The following ARTN variants were observed in gnomAD, a reference collection of about 807,000 sequenced individuals.
ARTN encodes the protein artemin, also known as neublastin.
ARTN carries 9 observed loss-of-function variants against 15.4 expected under a neutral mutation model. That is an observed-to-expected ratio of 0.58 (90% CI 0.35 to 1.02). ARTN has a LOEUF of 1.02. Among genes scored for constraint, ARTN ranks in the 50% least tolerant of loss-of-function variants. The probability of loss-of-function intolerance (pLI) is 0.02; values close to 1 mark genes in which losing one functional copy is unlikely to be tolerated. For missense variants in ARTN, 284 were observed against 327.9 expected (o/e 0.87, Z 1.03); for synonymous variants, 163 against 155.8 (o/e 1.05, Z -0.35).
rs2085080370 is a variant in ARTN at position 43,935,510 on chromosome 1, G to A, written c.-67-80G>A. ...CTGCTGGGTTGAGTCTAGCTGTGTA[G>A]GCCCCTTGTTCCTCACCTGGAGAAA... On this transcript the variant is annotated intron_variant, in intron 2 of 4. Transcript: ENST00000372359. 3 of 756,204 alleles carry A rather than the reference G, an allele frequency of 4.0e-6. No homozygotes were observed. In the East Asian group the frequency reaches 8.1e-5, roughly 20 times the overall value. The allele number at this position is 756,204 out of a possible 1,614,324, so 46.8% of individuals were successfully genotyped here.
At position 43,936,931 on chromosome 1, in the gene ARTN, G is replaced by A; in HGVS notation, c.*166G>A. 1 of 1,004,448 alleles carries A rather than the reference G, an allele frequency of 1.0e-6. No individual in the cohort carries two copies. Among genetic ancestry groups the A allele is most frequent in the Non-Finnish European group, 1.3e-6 (1 of 770,184 alleles). The allele number at this position is 1,004,448 out of a possible 1,614,324, so 62.2% of individuals were successfully genotyped here. A position where few individuals can be genotyped will look rare whatever the true frequency, so the allele number is the denominator to read the frequency against. On this transcript the variant is annotated 3_prime_UTR_variant, in exon 5 of 5. Transcript: ENST00000372359. This position sits in a 1 kb window ranked among gnomAD's most constrained non-coding sequence, Gnocchi z 6.6. ...GGATATCATCCCCGAACAGGTGAAGGGACAACTGACTAGCAGCCCCAGAGC... is the reference window on the plus strand; with the variant it reads ...GGATATCATCCCCGAACAGGTGAAGAGACAACTGACTAGCAGCCCCAGAGC...
In ARTN at chr1:43,934,270, G is replaced by A. The variant is rs12726706; in HGVS notation, c.-68+10G>A. 96,966 of 153,724 alleles carry A rather than the reference G, an allele frequency of 0.63. 33,472 individuals are homozygous for A. The highest frequency in any genetic ancestry group is 0.78 in the Non-Finnish European group (53,986 of 68,966). 9.5% of individuals were successfully genotyped at this position (153,724 alleles called of 1,614,324 possible). ...GGTGCAGGACCCCGTGGTGAGTAGCGGGCTGGTGGATGGGGAGGCAAGGGC... is the reference window on the plus strand; with the variant it reads ...GGTGCAGGACCCCGTGGTGAGTAGCAGGCTGGTGGATGGGGAGGCAAGGGC... On this transcript the variant is annotated intron_variant, in intron 2 of 4. Transcript: ENST00000372359.
chr1:43,935,823 AT>A, intron 3 of ARTN, 107 bp downstream of exon 3: 1 of 1,156,472 alleles, frequency 8.6e-7, no homozygotes. Flanking sequence ...GGGAGGGAAA[AT>A]GGTCAGGGAG....
chr1:43,936,186 G>C lies in ARTN; in HGVS notation c.154G>C (p.Glu52Gln). The C allele has an allele frequency of 6.5e-7, 1 of 1,533,884 alleles. No individual in the cohort carries two copies. Among genetic ancestry groups the C allele is most frequent in the Non-Finnish European group, 8.7e-7 (1 of 1,145,624 alleles). Residue 52 changes from glutamate to glutamine, a missense_variant, in exon 4 of 5, where the codon GAA becomes CAA. Transcript: ENST00000372359. The surrounding 1 kb of genome is among the most constrained non-coding windows in gnomAD (Gnocchi z 6.6). Reference sequence around the variant, plus strand: ...CGCGCCCCGCAGCCCTGCCCCCCGCGAAGGCCCCCCGCCTGTCCTGGCGTC... The same window carrying C: ...CGCGCCCCGCAGCCCTGCCCCCCGCCAAGGCCCCCCGCCTGTCCTGGCGTC... ...GSAPRSPAPR[E>Q]GPPPVLASPA...
intron 2 of ARTN, among the ~76,000 whole-genome samples, chr1:43,934,798 T>C (rs1429556933): frequency 6.6e-6 from 1 of 152,078 alleles, no homozygotes; most frequent in African/African-American, 2.4e-5. Flanking sequence ...GTGGCTCAGC[T>C]CTCAGAGACC....
At chr1:43,934,763 G>C (rs2085073664) in intron 2 of ARTN, among the ~76,000 whole-genome samples, 1 of 152,158 alleles carries the variant, frequency 6.6e-6, no homozygotes, top group African/African-American at 2.4e-5. Context: ...GCTGGGAGGG[G>C]GACAGACCTA....
intron 2 of ARTN, 186 bp downstream of exon 2, chr1:43,934,446 C>T (rs1178458866): frequency 1.3e-5 from 2 of 152,486 alleles, no homozygotes; most frequent in Non-Finnish European, 2.9e-5. Context: ...AGTCACTGGC[C>T]TGGCTCGGAG....
chr1:43,936,978 C>A lies in ARTN; in HGVS notation c.*213C>A. The A allele has an allele frequency of 1.7e-6, 1 of 600,430 alleles. No individual in the cohort carries two copies. The highest frequency in any genetic ancestry group is 2.4e-6 in the Non-Finnish European group (1 of 409,702). The allele number at this position is 600,430 out of a possible 1,614,324, so 37.2% of individuals were successfully genotyped here. A position where few individuals can be genotyped will look rare whatever the true frequency, so the allele number is the denominator to read the frequency against. ...GAGCCCTCACCCTGCGGATCCCAGC[C>A]TAAAAGACACCAGAGACCTCAGCTA... On this transcript the variant is annotated 3_prime_UTR_variant, in exon 5 of 5. Coordinates refer to ENST00000372359, the MANE Select transcript of ARTN (RefSeq NM_057091.3). This position sits in a 1 kb window ranked among gnomAD's most constrained non-coding sequence, Gnocchi z 6.6.
rs931575180 is a variant in ARTN at position 43,936,400 on chromosome 1, C to A, written c.298C>A (p.Pro100Thr). ...PPPPAPPSAL[P>T]RGGRAARAGG... Reference sequence around the variant, plus strand: ...GCCGCCTGCACCCCCATCTGCTCTTCCCCGCGGGGGCCGCGCGGCGCGGGC... The same window carrying A: ...GCCGCCTGCACCCCCATCTGCTCTTACCCGCGGGGGCCGCGCGGCGCGGGC... Residue 100 changes from proline to threonine, a missense_variant, in exon 5 of 5, where the codon CCC becomes ACC. Transcript: ENST00000372359. The surrounding 1 kb of genome is among the most constrained non-coding windows in gnomAD (Gnocchi z 6.6). 70 of 1,199,166 alleles carry A rather than the reference C, an allele frequency of 5.8e-5. No homozygotes were observed. Among genetic ancestry groups the A allele is most frequent in the Admixed American group, 1.3e-4 (3 of 22,240 alleles). 74.3% of individuals were successfully genotyped at this position (1,199,166 alleles called of 1,614,324 possible).
At position 43,936,374 on chromosome 1, in the gene ARTN, C is replaced by A; in HGVS notation, c.272C>A (p.Pro91Gln). ...PPPQPSRPAP[P>Q]PPAPPSALPR... ...CCGCAGCCTTCTCGGCCCGCGCCCCCGCCGCCTGCACCCCCATCTGCTCTT... is the reference window on the plus strand; with the variant it reads ...CCGCAGCCTTCTCGGCCCGCGCCCCAGCCGCCTGCACCCCCATCTGCTCTT... The change falls in exon 5 of 5, where the codon CCG becomes CAG. Residue 91 changes from proline to glutamine, a missense_variant. Coordinates refer to ENST00000372359, the MANE Select transcript of ARTN (RefSeq NM_057091.3). This position sits in a 1 kb window ranked among gnomAD's most constrained non-coding sequence, Gnocchi z 6.6. 1.6e-6 allele frequency: 2 copies of A among 1,288,676 alleles called. No individual in the cohort carries two copies. The highest frequency in any genetic ancestry group is 2.4e-5 in the South Asian group (1 of 41,346). 79.8% of individuals were successfully genotyped at this position (1,288,676 alleles called of 1,614,324 possible).
At position 43,936,557 on chromosome 1, in the gene ARTN, G is replaced by C; in HGVS notation, c.455G>C (p.Gly152Ala). The C allele has an allele frequency of 6.5e-7, 1 of 1,544,280 alleles. No homozygotes were observed. The highest frequency in any genetic ancestry group is 8.7e-7 in the Non-Finnish European group (1 of 1,150,474). ...CTGGTGCGTTTCCGCTTCTGCAGCG[G>C]CTCCTGCCGCCGCGCGCGCTCTCCA... ...DELVRFRFCS[G>A]SCRRARSPHD... The change falls in exon 5 of 5, where the codon GGC (glycine) becomes GCC (alanine). Residue 152 changes from glycine (G) to alanine (A), a missense_variant. Transcript: ENST00000372359. This position sits in a 1 kb window ranked among gnomAD's most constrained non-coding sequence, Gnocchi z 6.6.
At position 43,936,096 on chromosome 1, in the gene ARTN, G is replaced by A; in HGVS notation, c.64G>A (p.Ala22Thr). The A allele has an allele frequency of 6.2e-7, 1 of 1,611,622 alleles. No homozygotes were observed. Among genetic ancestry groups the A allele is most frequent in the East Asian group, 2.2e-5 (1 of 44,858 alleles). The change falls in exon 4 of 5, where the codon GCC becomes ACC. Residue 22 changes from alanine to threonine, a missense_variant. Physicochemically the swap from Ala to Thr is moderately conservative, Grantham distance 58. Coordinates refer to ENST00000372359, the MANE Select transcript of ARTN (RefSeq NM_057091.3). This position sits in a 1 kb window ranked among gnomAD's most constrained non-coding sequence, Gnocchi z 6.6. ...SHCPWPRQQPALWPTLAALAL... is the reference protein window; with the variant it reads ...SHCPWPRQQPTLWPTLAALAL... ...TCCACTTGGTCTCTCCGCGCAGCCT[G>A]CCCTGTGGCCCACCCTGGCCGCTCT...
In ARTN at chr1:43,935,841, G is replaced by C. The variant is rs1165575257; in HGVS notation, c.60+125G>C. ...AGGGAAAATGGTCAGGGAGGGACCAGGTGAATGGGAGGAGGAGCGGGACTT... is the reference window on the plus strand; with the variant it reads ...AGGGAAAATGGTCAGGGAGGGACCACGTGAATGGGAGGAGGAGCGGGACTT... On this transcript the variant is annotated intron_variant, in intron 3 of 4. Transcript: ENST00000372359. 4 of 1,002,304 alleles carry C rather than the reference G, an allele frequency of 4.0e-6. No homozygotes were observed. The East Asian group carries it at 1.0e-4, about 26-fold the overall frequency. 62.1% of individuals were successfully genotyped at this position (1,002,304 alleles called of 1,614,324 possible). A position where few individuals can be genotyped will look rare whatever the true frequency, so the allele number is the denominator to read the frequency against.
At position 43,934,216 on chromosome 1, in the gene ARTN, G is replaced by C. The variant is rs1045669095; in HGVS notation, c.-112G>C. On this transcript the variant is annotated 5_prime_UTR_variant, in exon 2 of 5. Coordinates refer to ENST00000372359, the MANE Select transcript of ARTN (RefSeq NM_057091.3). The stretch of plus-strand genomic sequence containing the variant: ...GAGCTTCGGGGGAGAGCCCAGCACT[G>C]GTCCCCGGAAAGGTGCCTAGAAGAA... 2 of 152,974 alleles carry C rather than the reference G, an allele frequency of 1.3e-5. No homozygotes were observed. The highest frequency in any genetic ancestry group is 4.8e-5 in the African/African-American group (2 of 41,470). 9.5% of individuals were successfully genotyped at this position (152,974 alleles called of 1,614,324 possible). A position where few individuals can be genotyped will look rare whatever the true frequency, so the allele number is the denominator to read the frequency against.
chr1:43,936,597 G>T lies in ARTN; in HGVS notation c.495G>T (p.Leu165=). ...RRARSPHDLS[L]ASLLGAGALR... ...CGCGCTCTCCACACGACCTCAGCCT[G>T]GCCAGCCTACTGGGCGCCGGGGCCC... Residue 165 remains leucine (L), a synonymous_variant, in exon 5 of 5, where the codon CTG becomes CTT. Coordinates refer to ENST00000372359, the MANE Select transcript of ARTN (RefSeq NM_057091.3). The surrounding 1 kb of genome is among the most constrained non-coding windows in gnomAD (Gnocchi z 6.6). 2 of 1,588,728 alleles carry T rather than the reference G, an allele frequency of 1.3e-6. No individual in the cohort carries two copies. Among genetic ancestry groups the T allele is most frequent in the Non-Finnish European group, 1.7e-6 (2 of 1,169,114 alleles).
Position 43,934,104 on chromosome 1 carries a change from C to T in ARTN, c.-216-8C>T, listed in dbSNP as rs1159443884. The T allele has an allele frequency of 1.3e-5, 2 of 152,904 alleles. No individual in the cohort carries two copies. Among genetic ancestry groups the T allele is most frequent in the South Asian group, 2.1e-4 (1 of 4,838 alleles). The allele number at this position is 152,904 out of a possible 1,614,324, so 9.5% of individuals were successfully genotyped here. A position where few individuals can be genotyped will look rare whatever the true frequency, so the allele number is the denominator to read the frequency against. On this transcript the variant is annotated splice_region_variant and splice_polypyrimidine_tract_variant and intron_variant, in intron 1 of 4. Coordinates refer to ENST00000372359, the MANE Select transcript of ARTN (RefSeq NM_057091.3). ...CACTGTAATGTGAGGCTCCCGCTGC[C>T]GCTACAGGGTGCAGACTGGCTGCCA...
In ARTN at chr1:43,936,475, C is replaced by T. The variant is rs761329495; in HGVS notation, c.373C>T (p.Leu125=). Residue 125 remains leucine (L), a synonymous_variant, in exon 5 of 5, where the codon CTG becomes TTG. Transcript: ENST00000372359. This position sits in a 1 kb window ranked among gnomAD's most constrained non-coding sequence, Gnocchi z 6.6. ...ARAAGARGCR[L]RSQLVPVRAL... is the part of the protein sequence containing the mutation. ...GGCAGCGGGGGCGCGGGGCTGCCGC[C>T]TGCGCTCGCAGCTGGTGCCGGTGCG... 194 of 1,251,860 alleles carry T rather than the reference C, an allele frequency of 1.5e-4. No homozygotes were observed. The highest frequency in any genetic ancestry group is 3.2e-5 in the African/African-American group (2 of 63,332). The allele number at this position is 1,251,860 out of a possible 1,614,324, so 77.5% of individuals were successfully genotyped here.
Position 43,936,939 on chromosome 1 carries a change from G to A in ARTN, c.*174G>A. 1.1e-6 allele frequency: 1 copy of A among 919,394 alleles called. No homozygotes were observed. Among genetic ancestry groups the A allele is most frequent in the Non-Finnish European group, 1.4e-6 (1 of 694,236 alleles). 57.0% of individuals were successfully genotyped at this position (919,394 alleles called of 1,614,324 possible). ...TCCCCGAACAGGTGAAGGGACAACTGACTAGCAGCCCCAGAGCCCTCACCC... is the reference window on the plus strand; with the variant it reads ...TCCCCGAACAGGTGAAGGGACAACTAACTAGCAGCCCCAGAGCCCTCACCC... On this transcript the variant is annotated 3_prime_UTR_variant, in exon 5 of 5. Coordinates refer to ENST00000372359, the MANE Select transcript of ARTN (RefSeq NM_057091.3). This position sits in a 1 kb window ranked among gnomAD's most constrained non-coding sequence, Gnocchi z 6.6.
In ARTN at chr1:43,936,205, T is replaced by C; in HGVS notation, c.173T>C (p.Leu58Pro). 1.3e-6 allele frequency: 2 copies of C among 1,497,014 alleles called. No homozygotes were observed. The highest frequency in any genetic ancestry group is 1.8e-6 in the Non-Finnish European group (2 of 1,131,594). The allele number at this position is 1,497,014 out of a possible 1,614,324, so 92.7% of individuals were successfully genotyped here. ...PAPREGPPPV[L>P]ASPAGHLPGG... ...CCCCGCGAAGGCCCCCCGCCTGTCCTGGCGTCCCCCGCCGGCCACCTGCCG... is the reference window on the plus strand; with the variant it reads ...CCCCGCGAAGGCCCCCCGCCTGTCCCGGCGTCCCCCGCCGGCCACCTGCCG... The change falls in exon 4 of 5, where the codon CTG (leucine) becomes CCG (proline). Residue 58 changes from leucine to proline, a missense_variant. Transcript: ENST00000372359. The surrounding 1 kb of genome is among the most constrained non-coding windows in gnomAD (Gnocchi z 6.6).
Sources: allele counts gnomAD v4.1 joint callset (sites outside exome capture counted in the v4.1 genomes callset), GRCh38; gene constraint gnomAD v4.1.1; non-coding constraint Gnocchi (gnomAD v3.1); transcripts MANE v1.5; gene names NCBI Gene and HGNC (gene_info 2026-07-23, HGNC 2026-07-21).